CAMTA1: variants seen among roughly 807,000 people sequenced by gnomAD.
CAMTA1 encodes the protein calmodulin binding transcription activator 1.
CAMTA1 carries 27 observed loss-of-function variants against 170.9 expected under a neutral mutation model. The ratio of observed to expected loss-of-function variants is 0.16; its 90% CI spans 0.12 to 0.22. CAMTA1 has a LOEUF of 0.22. Among genes scored for constraint, CAMTA1 ranks in the 10% least tolerant of loss-of-function variants. The pLI is 1.00. For synonymous variants in CAMTA1, 833 were observed against 891.5 expected, an observed-to-expected ratio of 0.93 and a Z score of 1.17; for missense variants, 1,619 against 2,217.2, an observed-to-expected ratio of 0.73 and a Z score of 5.42.
At chr1:7,372,528 G>A (rs547354248) in intron 5 of CAMTA1, among the ~76,000 whole-genome samples, 5 of 152,340 alleles carry the variant, frequency 3.3e-5, no homozygotes, top group South Asian at 4.1e-4. Flanking sequence ...AGCTGCGGAC[G>A]TAGTGGGCCC....
At chr1:7,766,026 CAAA>C (rs59692886) in intron 22 of CAMTA1, among the ~76,000 whole-genome samples, 4 of 71,406 alleles carry the variant, frequency 5.6e-5, no homozygotes, top group African/African-American at 2.8e-4. Context: ...GATTCTGTCT[CAAA>C]AAAAAAAAAA....
chr1:7,597,393 C>G (rs1371190501), intron 6 of CAMTA1, among the ~76,000 whole-genome samples: 1 of 152,146 alleles, frequency 6.6e-6, no homozygotes, highest in African/African-American at 2.4e-5. Context: ...TTCTTATTGA[C>G]TGGCTGATTG....
intron 5 of CAMTA1, among the ~76,000 whole-genome samples, chr1:7,385,101 T>TC (rs2087786885): frequency 6.6e-6 from 1 of 150,388 alleles, no homozygotes; most frequent in Non-Finnish European, 1.5e-5. Context: ...TATTTTTTTT[T>TC]TTTTTTGAGA....
rs144202356 is a variant in CAMTA1, at chr1:6,938,244, A to C, written c.234+113034A>C. On this transcript the variant is annotated intron_variant, in intron 3 of 22. Transcript: ENST00000303635. ...TAATTTTGAGTTTGAAGACTGGCCC[A>C]TGGGGATTTCCTTTCCCATGTGGCT... Among the ~76,000 whole-genome samples, 254 of 152,316 alleles carry C rather than the reference A, an allele frequency of 1.7e-3. 2 individuals are homozygous for C. Among genetic ancestry groups the C allele is most frequent in the African/African-American group, 5.8e-3 (242 of 41,570 alleles).
At chr1:6,942,061 C>T (rs1300823319) in intron 3 of CAMTA1, among the ~76,000 whole-genome samples, 1 of 134,582 alleles carries the variant, frequency 7.4e-6, no homozygotes, top group African/African-American at 2.6e-5. Context: ...TGCCCTGATT[C>T]TCTTTTTTCT....
intron 6 of CAMTA1, among the ~76,000 whole-genome samples, chr1:7,495,308 AT>A (rs2149733441): frequency 6.6e-6 from 1 of 152,210 alleles, no homozygotes; most frequent in South Asian, 2.1e-4. Flanking sequence ...AACGATCATG[AT>A]TAGAGTTCAT....
intron 7 of CAMTA1, among the ~76,000 whole-genome samples, chr1:7,643,058 A>C (rs1287017885): frequency 6.6e-6 from 1 of 151,926 alleles, no homozygotes; most frequent in Non-Finnish European, 1.5e-5. Flanking sequence ...TAGGGTCCTA[A>C]GTACTCTTGC....
chr1:7,169,835 T>C (rs1649244150), intron 4 of CAMTA1, among the ~76,000 whole-genome samples: 1 of 152,260 alleles, frequency 6.6e-6, no homozygotes, highest in Non-Finnish European at 1.5e-5. Context: ...CCTAAGCTTC[T>C]AACTTATTGT....
rs578158107 is a variant in CAMTA1 at position 7,170,962 on chromosome 1, G to A, written c.303-78529G>A. Among the ~76,000 whole-genome samples, 12 of 152,176 alleles carry A rather than the reference G, an allele frequency of 7.9e-5. No individual in the cohort carries two copies. In the East Asian group the frequency reaches 2.1e-3, roughly 27 times the overall value. ...GGGTGCCATGTTCTAAGTGTTTGTC[G>A]AATCAAGTTTGTTAATCATGTTATT... On this transcript the variant is annotated intron_variant, in intron 4 of 22. Coordinates refer to ENST00000303635, the MANE Select transcript of CAMTA1 (RefSeq NM_015215.4).
intron 3 of CAMTA1, among the ~76,000 whole-genome samples, chr1:7,090,917 T>C (rs1433650516): frequency 6.6e-6 from 1 of 152,244 alleles, no homozygotes; most frequent in Non-Finnish European, 1.5e-5. Context: ...TTCGTCCAGC[T>C]TCAGAAAAGG....
rs2097032075 is a variant in CAMTA1, at chr1:7,767,790, C to T, written c.*1299C>T. 1 of 141,242 alleles carries T rather than the reference C, an allele frequency of 7.1e-6. No individual in the cohort carries two copies. 8.7% of individuals were successfully genotyped at this position (141,242 alleles called of 1,614,324 possible). A position where few individuals can be genotyped will look rare whatever the true frequency, so the allele number is the denominator to read the frequency against. ...AAAACTTTATTTCACTATAAGAGTA[C>T]TTTATTTTAAATGTTCTTTAGGAGA... On this transcript the variant is annotated 3_prime_UTR_variant, in exon 23 of 23. Transcript: ENST00000303635.
chr1:7,118,162 G>C, intron 4 of CAMTA1, among the ~76,000 whole-genome samples: 1 of 152,170 alleles, frequency 6.6e-6, no homozygotes, highest in Middle Eastern at 3.4e-3. Flanking sequence ...TCTGATTGCT[G>C]GGAAAATAGT....
intron 3 of CAMTA1, among the ~76,000 whole-genome samples, chr1:6,933,070 C>CT (rs886836800): frequency 2.6e-3 from 387 of 147,086 alleles, no homozygotes; most frequent in African/African-American, 5.0e-3. Context: ...CAATCATCAT[C>CT]TTTTTTTTTT....
intron 3 of CAMTA1, among the ~76,000 whole-genome samples, chr1:6,829,920 A>G (rs1308967716): frequency 1.3e-5 from 2 of 152,184 alleles, no homozygotes; most frequent in Non-Finnish European, 2.9e-5. Context: ...TTGCATTATG[A>G]TTTTTTAAAA....
chr1:7,704,344 G>A (rs1197272499), intron 11 of CAMTA1, among the ~76,000 whole-genome samples: 1 of 145,916 alleles, frequency 6.9e-6, no homozygotes, highest in Admixed American at 6.8e-5. Flanking sequence ...CCCGGGCAGC[G>A]GGCGCAGCCG....
At chr1:6,789,023 C>G (rs1042282846) in intron 1 of CAMTA1, among the ~76,000 whole-genome samples, 10 of 152,208 alleles carry the variant, frequency 6.6e-5, no homozygotes, top group African/African-American at 2.4e-4. Context: ...CCCCTTACCT[C>G]CAGTTTTTGG....
chr1:7,199,152 T>G (rs1358406531), intron 4 of CAMTA1, among the ~76,000 whole-genome samples: 1 of 87,130 alleles, frequency 1.1e-5, no homozygotes, highest in Non-Finnish European at 2.3e-5. Context: ...CCTTGTTTAC[T>G]GATGCCCCCC....
chr1:7,525,076 G>A (rs548552634), intron 6 of CAMTA1, among the ~76,000 whole-genome samples: 24 of 152,260 alleles, frequency 1.6e-4, no homozygotes, highest in South Asian at 8.3e-4. Context: ...ACCCGCCCCC[G>A]CGTCGGCCCC....
At chr1:6,901,140 A>C (rs763189879) in intron 3 of CAMTA1, among the ~76,000 whole-genome samples, 1 of 152,246 alleles carries the variant, frequency 6.6e-6, no homozygotes, top group South Asian at 2.1e-4. Context: ...AATTCAATGG[A>C]GAAAGGATAG....
Sources: allele counts gnomAD v4.1 joint callset (sites outside exome capture counted in the v4.1 genomes callset), GRCh38; gene constraint gnomAD v4.1.1; transcripts MANE v1.5; gene names NCBI Gene and HGNC (gene_info 2026-07-23, HGNC 2026-07-21).